Variants in CAMTA1 observed in about 807,000 individuals in gnomAD.
The protein encoded by CAMTA1 is calmodulin-binding transcription activator 1.
CAMTA1 carries 27 observed loss-of-function variants against 170.9 expected under a neutral mutation model. The observed-to-expected ratio is 0.16, with a 90% CI of 0.12 to 0.22. The LOEUF (loss-of-function observed/expected upper bound fraction) is 0.22. Among genes scored for constraint, CAMTA1 ranks in the 10% least tolerant of loss-of-function variants. The pLI is 1.00. For synonymous variants in CAMTA1, 833 were observed against 891.5 expected, an observed-to-expected ratio of 0.93 and a Z score of 1.17; for missense variants, 1,619 against 2,217.2, an observed-to-expected ratio of 0.73 and a Z score of 5.42.
rs78895498 is a variant in CAMTA1 at position 7,178,422 on chromosome 1, C to T, written c.303-71069C>T. 3.9e-3 allele frequency among the ~76,000 whole-genome samples: 596 copies of T among 152,296 alleles called. 3 individuals are homozygous for T. The highest frequency in any genetic ancestry group is 0.014 in the African/African-American group (567 of 41,554). ...TAGGCTGGCAAATTCTACCTGACAT[C>T]TTCGGCTCTGTGTTGGGGCAGGAAG... is the stretch of plus-strand genomic sequence containing the variant. On this transcript the variant is annotated intron_variant, in intron 4 of 22. Coordinates refer to ENST00000303635, the MANE Select transcript of CAMTA1 (RefSeq NM_015215.4).
Position 7,333,374 on chromosome 1 carries a change from C to T in CAMTA1, c.438+83748C>T, listed in dbSNP as rs528664525. On this transcript the variant is annotated intron_variant, in intron 5 of 22. Coordinates refer to ENST00000303635, the MANE Select transcript of CAMTA1 (RefSeq NM_015215.4). This position sits in a 1 kb window ranked among gnomAD's most constrained non-coding sequence, Gnocchi z 4.4. ...GAGTCGGATCTGACACGGGACCCCACGCTGCAGAGTGATGATCGCATAGGC... is the reference window on the plus strand; with the variant it reads ...GAGTCGGATCTGACACGGGACCCCATGCTGCAGAGTGATGATCGCATAGGC... Among the ~76,000 whole-genome samples, 3 of 152,298 alleles carry T rather than the reference C, an allele frequency of 2.0e-5. No individual in the cohort carries two copies. The highest frequency in any genetic ancestry group is 1.9e-4 in the East Asian group (1 of 5,170).
chr1:7,208,852 T>G (rs1313279456), intron 4 of CAMTA1, among the ~76,000 whole-genome samples: 1 of 152,194 alleles, frequency 6.6e-6, no homozygotes, highest in Non-Finnish European at 1.5e-5. Flanking sequence ...TGTTAAATCC[T>G]TGGGACCTCC....
chr1:7,437,978 T>C (rs890959307), intron 5 of CAMTA1, among the ~76,000 whole-genome samples: 1 of 152,156 alleles, frequency 6.6e-6, no homozygotes, highest in African/African-American at 2.4e-5. Context: ...GGATGAGAGC[T>C]AAGAATGAAG....
At chr1:7,605,193 C>A (rs1322285970) in intron 6 of CAMTA1, among the ~76,000 whole-genome samples, 1 of 152,192 alleles carries the variant, frequency 6.6e-6, no homozygotes, top group Non-Finnish European at 1.5e-5. Flanking sequence ...ATGGGGGAAC[C>A]ACTACTCTCT....
chr1:7,672,464 C>T (rs2096068929), intron 10 of CAMTA1, among the ~76,000 whole-genome samples: 1 of 152,152 alleles, frequency 6.6e-6, no homozygotes, highest in African/African-American at 2.4e-5. Flanking sequence ...ACTCTTTTGC[C>T]AGGCTGGAGT....
intron 5 of CAMTA1, among the ~76,000 whole-genome samples, chr1:7,331,345 A>G (rs987268638): frequency 6.6e-6 from 1 of 152,208 alleles, no homozygotes; most frequent in African/African-American, 2.4e-5. Context: ...CCCTGAGGGC[A>G]GCAGCAGCCC....
chr1:7,361,702 A>G (rs547179006), intron 5 of CAMTA1, among the ~76,000 whole-genome samples: 1 of 152,386 alleles, frequency 6.6e-6, no homozygotes, highest in East Asian at 1.9e-4. Flanking sequence ...GCATGGCAAT[A>G]AATTTCTTAT....
At chr1:7,457,197 T>C (rs112651972) in intron 5 of CAMTA1, among the ~76,000 whole-genome samples, 47 of 152,154 alleles carry the variant, frequency 3.1e-4, no homozygotes, top group Non-Finnish European at 5.7e-4. Context: ...TATTATTCCA[T>C]TTTATGCCCA....
chr1:6,862,796 C>G (rs1665231699), intron 3 of CAMTA1, among the ~76,000 whole-genome samples: 1 of 152,190 alleles, frequency 6.6e-6, no homozygotes, highest in African/African-American at 2.4e-5. Context: ...GGCCTTCTGT[C>G]TGTGACCATT....
At chr1:7,638,700 G>A (rs2095735875) in intron 6 of CAMTA1, among the ~76,000 whole-genome samples, 1 of 152,112 alleles carries the variant, frequency 6.6e-6, no homozygotes, top group African/African-American at 2.4e-5. Context: ...GTTTAGCTAG[G>A]CTTTTCTGGC....
intron 5 of CAMTA1, among the ~76,000 whole-genome samples, chr1:7,340,179 C>T (rs528298442): frequency 6.6e-6 from 1 of 152,134 alleles, no homozygotes; most frequent in Non-Finnish European, 1.5e-5. Flanking sequence ...TGGCTGTGTG[C>T]CCATAAAACT....
chr1:7,380,420 C>T (rs1262347078), intron 5 of CAMTA1, among the ~76,000 whole-genome samples: 2 of 152,100 alleles, frequency 1.3e-5, no homozygotes, highest in African/African-American at 2.4e-5. Flanking sequence ...ACTAAAAATA[C>T]AAAATTAGCC....
chr1:7,196,535 G>A (rs973003683), intron 4 of CAMTA1, among the ~76,000 whole-genome samples: 6 of 152,278 alleles, frequency 3.9e-5, no homozygotes, highest in South Asian at 2.1e-4. Flanking sequence ...CACTCTAAAC[G>A]GGCTTCAGTG....
Position 7,146,463 on chromosome 1 carries a change from AT to A in CAMTA1, c.302+55093del, listed in dbSNP as rs2148652260. On this transcript the variant is annotated intron_variant, in intron 4 of 22. Coordinates refer to ENST00000303635, the MANE Select transcript of CAMTA1 (RefSeq NM_015215.4). The surrounding 1 kb of genome is among the most constrained non-coding windows in gnomAD (Gnocchi z 4.3). Reference sequence around the variant, plus strand: ...GAGTCCTGTCGGGGAAAGTCTGGGAATATCTGTTTCGGTGCTTTGCTGAGAA... The same window carrying A: ...GAGTCCTGTCGGGGAAAGTCTGGGAAATCTGTTTCGGTGCTTTGCTGAGAA... Among the ~76,000 whole-genome samples the A allele has an allele frequency of 6.6e-6, 1 of 152,322 alleles. No homozygotes were observed. The highest frequency in any genetic ancestry group is 6.5e-5 in the Admixed American group (1 of 15,296).
chr1:7,279,855 G>C (rs11809620), intron 5 of CAMTA1, among the ~76,000 whole-genome samples: 5,332 of 152,130 alleles, frequency 0.035, 279 homozygotes, highest in African/African-American at 0.11. Context: ...TACTGCTGGT[G>C]GTCCCTCTAG....
chr1:7,420,209 G>A (rs1159178498), intron 5 of CAMTA1, among the ~76,000 whole-genome samples: 2 of 152,054 alleles, frequency 1.3e-5, no homozygotes, highest in East Asian at 1.9e-4. Flanking sequence ...TGGAGCACCT[G>A]CCCGGTCCTG....
intron 3 of CAMTA1, among the ~76,000 whole-genome samples, chr1:6,890,518 C>T (rs1674271516): frequency 6.6e-6 from 1 of 151,788 alleles, no homozygotes; most frequent in Non-Finnish European, 1.5e-5. Flanking sequence ...CCATTTTGGT[C>T]TTCCCTGGAG....
At chr1:7,112,541 G>A (rs978673568) in intron 4 of CAMTA1, among the ~76,000 whole-genome samples, 1 of 152,184 alleles carries the variant, frequency 6.6e-6, no homozygotes, top group Non-Finnish European at 1.5e-5. Context: ...CAGATGGAAC[G>A]CTCTTCCCTT....
chr1:7,579,534 T>C (rs2095237533), intron 6 of CAMTA1, among the ~76,000 whole-genome samples: 2 of 143,544 alleles, frequency 1.4e-5, no homozygotes, highest in African/African-American at 5.6e-5. Flanking sequence ...TAAGGTCCAC[T>C]TTCTTTTCTT....
Sources: allele counts gnomAD v4.1 joint callset (sites outside exome capture counted in the v4.1 genomes callset), GRCh38; gene constraint gnomAD v4.1.1; non-coding constraint Gnocchi (gnomAD v3.1); transcripts MANE v1.5; gene names NCBI Gene and HGNC (gene_info 2026-07-23, HGNC 2026-07-21).